The following ADCYAP1R1 variants were observed in gnomAD, a reference collection of about 807,000 sequenced individuals.
ADCYAP1R1 encodes pituitary adenylate cyclase-activating polypeptide type I receptor.
A neutral mutation model predicts 67.6 loss-of-function variants in ADCYAP1R1; 44 were observed. That is an observed-to-expected ratio of 0.65 (90% CI 0.51 to 0.84). The LOEUF (loss-of-function observed/expected upper bound fraction) is 0.84. ADCYAP1R1 is among the 40% of genes least tolerant of loss of function. The probability of loss-of-function intolerance (pLI) is 0.00; values close to 1 mark genes in which losing one functional copy is unlikely to be tolerated. For synonymous variants in ADCYAP1R1, 222 were observed against 219.6 expected, an observed-to-expected ratio of 1.01 and a Z score of -0.10; for missense variants, 477 against 587.9, an observed-to-expected ratio of 0.81 and a Z score of 1.95.
At chr7:31,079,247 C>T (rs576696937) in intron 4 of ADCYAP1R1, among the ~76,000 whole-genome samples, 88 of 152,352 alleles carry the variant, frequency 5.8e-4, no homozygotes, top group African/African-American at 2.0e-3. Flanking sequence ...CATGGGCCTT[C>T]TACCCCATCC....
At chr7:31,057,532 C>T (rs1166035316) in intron 1 of ADCYAP1R1, among the ~76,000 whole-genome samples, 7 of 152,230 alleles carry the variant, frequency 4.6e-5, no homozygotes, top group Admixed American at 4.6e-4. Context: ...TGAGTGGGAT[C>T]ATCACTGGGG....
intron 1 of ADCYAP1R1, among the ~76,000 whole-genome samples, chr7:31,056,116 C>G (rs931069451): frequency 1.3e-5 from 2 of 152,142 alleles, no homozygotes; most frequent in African/African-American, 4.8e-5. Context: ...AGACAAGACT[C>G]GAAACTCACA....
chr7:31,064,637 GTGA>G (rs1165000824), intron 2 of ADCYAP1R1, among the ~76,000 whole-genome samples, 191 bp from the exon 3 acceptor site: 1 of 152,160 alleles, frequency 6.6e-6, no homozygotes, highest in East Asian at 1.9e-4. Context: ...CATTGAGTTG[GTGA>G]CTGAGAAGAG....
At chr7:31,091,435 T>G (rs1332655539) in intron 12 of ADCYAP1R1, among the ~76,000 whole-genome samples, 2 of 152,324 alleles carry the variant, frequency 1.3e-5, no homozygotes, top group East Asian at 1.9e-4. Context: ...CACTTGTCAA[T>G]TTTTGATTTT....
chr7:31,089,560 G>A (rs6965700), intron 12 of ADCYAP1R1, among the ~76,000 whole-genome samples: 15,369 of 151,872 alleles, frequency 0.1, 1,524 homozygotes, highest in African/African-American at 0.26. Context: ...GAGCAGTGCC[G>A]CAATGAATAT....
chr7:31,085,651 A>G (rs1340382192), intron 9 of ADCYAP1R1, among the ~76,000 whole-genome samples: 1 of 152,202 alleles, frequency 6.6e-6, no homozygotes, highest in Non-Finnish European at 1.5e-5. Context: ...CATCACTTCC[A>G]GCCAAAATGC....
intron 9 of ADCYAP1R1, 36 bp downstream of exon 9, chr7:31,085,478 G>A (rs763508722): frequency 5.0e-6 from 8 of 1,600,556 alleles, no homozygotes; most frequent in Admixed American, 1.7e-5. Flanking sequence ...GGGCTCTGCC[G>A]GGAAGGTCCC....
In ADCYAP1R1 at chr7:31,107,295, G is replaced by A. The variant is rs908187031; in HGVS notation, c.*611G>A. The A allele has an allele frequency of 1.3e-5, 2 of 152,364 alleles. No individual in the cohort carries two copies. Among genetic ancestry groups the A allele is most frequent in the African/African-American group, 2.4e-5 (1 of 41,456 alleles). The allele number at this position is 152,364 out of a possible 1,614,324, so 9.4% of individuals were successfully genotyped here. ...TTGGTGTCCGGGTGCTCAGCTCCTG[G>A]GTCCCAGGGCAGTGGGACAGCTCCC... On this transcript the variant is annotated 3_prime_UTR_variant, in exon 16 of 16. Coordinates refer to ENST00000304166, the MANE Select transcript of ADCYAP1R1 (RefSeq NM_001118.5).
At chr7:31,078,121 A>T (rs1795355198) in intron 4 of ADCYAP1R1, 23 bp downstream of exon 4, 1 of 1,584,808 alleles carries the variant, frequency 6.3e-7, no homozygotes. Context: ...CAGTCTCTTT[A>T]GGCCACGCTG....
At chr7:31,076,353 A>G (rs2128624251) in intron 3 of ADCYAP1R1, among the ~76,000 whole-genome samples, 1 of 152,264 alleles carries the variant, frequency 6.6e-6, no homozygotes, top group South Asian at 2.1e-4. Flanking sequence ...GCAGGGATGG[A>G]GCAGGAAGAG....
At chr7:31,101,172 C>A (rs1288335995) in intron 13 of ADCYAP1R1, among the ~76,000 whole-genome samples, 3 of 152,148 alleles carry the variant, frequency 2.0e-5, no homozygotes, top group African/African-American at 7.2e-5. Flanking sequence ...TCTGGGGCTG[C>A]TGTGGGGCTG....
chr7:31,106,388 G>A, intron 15 of ADCYAP1R1, 108 bp from the exon 16 acceptor site: 2 of 1,339,942 alleles, frequency 1.5e-6, no homozygotes, highest in Non-Finnish European at 1.0e-6. Context: ...AGTGGGGAGG[G>A]TGCTGAGGGT....
intron 3 of ADCYAP1R1, among the ~76,000 whole-genome samples, chr7:31,070,707 C>A (rs184450915): frequency 2.0e-4 from 30 of 152,326 alleles, no homozygotes; most frequent in African/African-American, 6.3e-4. Context: ...TCACTTCTAT[C>A]CAAACTTGTG....
intron 13 of ADCYAP1R1, among the ~76,000 whole-genome samples, chr7:31,094,878 C>T (rs1352203414): frequency 6.6e-6 from 1 of 152,060 alleles, no homozygotes; most frequent in Non-Finnish European, 1.5e-5. Context: ...AAAAAAAATC[C>T]CTTTGCAATC....
intron 3 of ADCYAP1R1, among the ~76,000 whole-genome samples, chr7:31,073,824 T>C (rs1795090014): frequency 6.6e-6 from 1 of 152,080 alleles, no homozygotes; most frequent in African/African-American, 2.4e-5. Flanking sequence ...CTCGATAGGG[T>C]CAGGGACATT....
chr7:31,058,501 G>C (rs1379761058), intron 1 of ADCYAP1R1, among the ~76,000 whole-genome samples: 1 of 152,140 alleles, frequency 6.6e-6, no homozygotes, highest in Non-Finnish European at 1.5e-5. Flanking sequence ...CCAGGTATCT[G>C]TAACACATCC....
At position 31,086,321 on chromosome 7, in the gene ADCYAP1R1, G is replaced by T; in HGVS notation, c.670-63G>T. The T allele has an allele frequency of 5.7e-6, 9 of 1,566,102 alleles. No homozygotes were observed. The highest frequency in any genetic ancestry group is 7.8e-6 in the Non-Finnish European group (9 of 1,152,380). ...GCATGCCAGAGCCAACGGGCCCTAG[G>T]ATTCTCCCTTGCTCCTGTTCCTGTT... On this transcript the variant is annotated intron_variant, in intron 9 of 15. Coordinates refer to ENST00000304166, the MANE Select transcript of ADCYAP1R1 (RefSeq NM_001118.5). The surrounding 1 kb of genome is among the most constrained non-coding windows in gnomAD (Gnocchi z 5.0).
At position 31,107,401 on chromosome 7, in the gene ADCYAP1R1, A is replaced by G. The variant is rs1796691284; in HGVS notation, c.*717A>G. The G allele has an allele frequency of 1.3e-5, 2 of 152,230 alleles. No homozygotes were observed. Among genetic ancestry groups the G allele is most frequent in the African/African-American group, 4.8e-5 (2 of 41,428 alleles). The allele number at this position is 152,230 out of a possible 1,614,324, so 9.4% of individuals were successfully genotyped here. A position where few individuals can be genotyped will look rare whatever the true frequency, so the allele number is the denominator to read the frequency against. ...GTTCTGGTGCTTTTCGTTTGATCCA[A>G]AAGGAGCTGAGAGCCAGAAATGTGG... On this transcript the variant is annotated 3_prime_UTR_variant, in exon 16 of 16. Coordinates refer to ENST00000304166, the MANE Select transcript of ADCYAP1R1 (RefSeq NM_001118.5).
rs989074476 is a variant in ADCYAP1R1 at position 31,104,973 on chromosome 7, G to A, written c.1218+64G>A. The stretch of plus-strand genomic sequence containing the variant: ...GGGGCTTTCTGGGGAGCAGACAGGG[G>A]AACCACCTGTTGGCCACATGGGACT... On this transcript the variant is annotated intron_variant, in intron 15 of 15. Transcript: ENST00000304166. 16 of 1,554,448 alleles carry A rather than the reference G, an allele frequency of 1.0e-5. No homozygotes were observed. The African/African-American group carries it at 1.9e-4, about 18-fold the overall frequency.
Sources: gnomAD v4.1 joint callset for allele counts (sites outside exome capture counted in the v4.1 genomes callset) on GRCh38, gnomAD v4.1.1 for gene constraint, Gnocchi (gnomAD v3.1) non-coding constraint, MANE v1.5 for transcripts, NCBI Gene and HGNC (gene_info 2026-07-23, HGNC 2026-07-21) for gene names.